The following PTCH2 variants were observed in gnomAD, a reference collection of about 807,000 sequenced individuals.
PTCH2 encodes patched 2, also known as protein patched homolog 2.
Under a neutral mutation model 117.9 loss-of-function variants are expected in PTCH2, and 96 were observed. The observed-to-expected ratio is 0.81, with a 90% CI of 0.69 to 0.96. The LOEUF (loss-of-function observed/expected upper bound fraction) is 0.96. Among genes scored for constraint, PTCH2 ranks in the 50% least tolerant of loss-of-function variants. The probability of loss-of-function intolerance (pLI) is 0.00; values close to 1 mark genes in which losing one functional copy is unlikely to be tolerated. For synonymous variants in PTCH2, 615 were observed against 660.9 expected, an observed-to-expected ratio of 0.93 and a Z score of 1.06; for missense variants, 1,379 against 1,562.5, an observed-to-expected ratio of 0.88 and a Z score of 1.98.
chr1:44,829,867 C>T (rs780852463), intron 7 of PTCH2, 42 bp downstream of exon 7: 3 of 1,613,870 alleles, frequency 1.9e-6, no homozygotes, highest in East Asian at 4.5e-5. Context: ...TATGGGTTCT[C>T]ATGAACAGAG....
chr1:44,820,230 C>T (rs1206211508), downstream of PTCH2: 5 of 383,052 alleles, frequency 1.3e-5, no homozygotes, highest in East Asian at 2.2e-4. Context: ...CGGCTCCGGG[C>T]TGTTCCGCGC....
In PTCH2 at chr1:44,843,055, G is replaced by A; in HGVS notation, c.-123C>T. ...GGATTCAGTGGGGCCGCCAAGGCGC[G>A]GGCGTGGGAGAGACTGTGGGGTGTG... On this transcript the variant is annotated 5_prime_UTR_variant, in exon 1 of 22. Transcript: ENST00000372192. 2 of 1,429,172 alleles carry A rather than the reference G, an allele frequency of 1.4e-6. No individual in the cohort carries two copies. The highest frequency in any genetic ancestry group is 1.4e-5 in the African/African-American group (1 of 69,252). The allele number at this position is 1,429,172 out of a possible 1,614,324, so 88.5% of individuals were successfully genotyped here. A position where few individuals can be genotyped will look rare whatever the true frequency, so the allele number is the denominator to read the frequency against.
chr1:44,827,703 C>G lies in PTCH2; in HGVS notation c.2070G>C (p.Leu690=), dbSNP rs1225161469. The G allele has an allele frequency of 3.7e-6, 6 of 1,611,292 alleles. No individual in the cohort carries two copies. In the Admixed American group the frequency reaches 8.3e-5, roughly 22 times the overall value. The stretch of plus-strand genomic sequence containing the variant: ...GGCCCAGAAGAGCACCAAAGAGCAC[C>G]AGCACGATGGCCTGCGGGATGTAGC... ...LLQSHAKAIV[L]VLFGALLGLS... is the part of the protein sequence containing the mutation. The change falls in exon 15 of 22, where the codon CTG becomes CTC. Residue 690 remains leucine, a synonymous_variant. Coordinates refer to ENST00000372192, the MANE Select transcript of PTCH2 (RefSeq NM_003738.5).
intron 19 of PTCH2, among the ~76,000 whole-genome samples, chr1:44,825,873 G>A (rs1455799798): frequency 7.4e-6 from 1 of 135,500 alleles, no homozygotes; most frequent in East Asian, 2.2e-4. Context: ...GAGACGGAGA[G>A]TTTCACTCTT....
In PTCH2 at chr1:44,831,834, C is replaced by T. The variant is rs1294800689; in HGVS notation, c.526-37G>A. On this transcript the variant is annotated intron_variant, in intron 4 of 21. Transcript: ENST00000372192. This position sits in a 1 kb window ranked among gnomAD's most constrained non-coding sequence, Gnocchi z 4.3. ...ACCCCGGGCCACGTCAGTCCTGCCC[C>T]ACAACCTTTGTAGGATGCCCTCTGC... 1 of 1,603,930 alleles carries T rather than the reference C, an allele frequency of 6.2e-7. No homozygotes were observed. Among genetic ancestry groups the T allele is most frequent in the Non-Finnish European group, 8.5e-7 (1 of 1,171,174 alleles).
intron 1 of PTCH2, among the ~76,000 whole-genome samples, chr1:44,842,608 A>G (rs1006894861): frequency 3.9e-5 from 6 of 152,182 alleles, no homozygotes; most frequent in African/African-American, 1.4e-4. Context: ...AGCAGGATAC[A>G]TATGTACACA....
In PTCH2 at chr1:44,829,610, C is replaced by T. The variant is rs370819522; in HGVS notation, c.1083+4G>A. On this transcript the variant is annotated splice_donor_region_variant and intron_variant, in intron 8 of 21. Transcript: ENST00000372192. The stretch of plus-strand genomic sequence containing the variant: ...GCACCCCCCTTGTCCTTGTCCATAC[C>T]GACCTGCACAAAGCGCCGCTGCCAG... 21 of 1,614,174 alleles carry T rather than the reference C, an allele frequency of 1.3e-5. No individual in the cohort carries two copies. Among genetic ancestry groups the T allele is most frequent in the South Asian group, 7.7e-5 (7 of 91,084 alleles).
downstream of PTCH2, chr1:44,821,703 T>G (rs1652920255): frequency 8.7e-7 from 1 of 1,144,454 alleles, no homozygotes; most frequent in Admixed American, 3.5e-5. Flanking sequence ...GTCTCCAGAT[T>G]GAACCCAGTA....
intron 2 of PTCH2, among the ~76,000 whole-genome samples, chr1:44,840,332 A>C (rs1573663005): frequency 6.7e-6 from 1 of 150,092 alleles, no homozygotes; most frequent in African/African-American, 2.4e-5. Flanking sequence ...TGAACTCCTG[A>C]CCTTTGATCC....
intron 1 of PTCH2, 150 bp downstream of exon 1, chr1:44,842,711 C>T (rs1178548562): frequency 1.4e-5 from 11 of 766,088 alleles, no homozygotes; most frequent in Non-Finnish European, 2.0e-5. Flanking sequence ...CACACCGACA[C>T]ACACGCACAA....
chr1:44,828,617 C>T lies in PTCH2; in HGVS notation c.1479G>A (p.Glu493=), dbSNP rs1406988075. ...CACTGGTGCCCGTGCGCTGCAGACA[C>T]TCGCCCATGCGCTCCTGCCAGGACA... The part of the protein sequence containing the change: ...PGTPLQERMG[E]CLQRTGTSVV... The change falls in exon 12 of 22, where the codon GAG becomes GAA. Residue 493 remains glutamate, a synonymous_variant. Transcript: ENST00000372192. 1 of 1,612,932 alleles carries T rather than the reference C, an allele frequency of 6.2e-7. No homozygotes were observed. Among genetic ancestry groups the T allele is most frequent in the African/African-American group, 1.3e-5 (1 of 75,048 alleles).
intron 2 of PTCH2, among the ~76,000 whole-genome samples, chr1:44,840,706 C>CT (rs1244995540): frequency 2.0e-5 from 3 of 151,078 alleles, no homozygotes; most frequent in Non-Finnish European, 4.4e-5. Context: ...GAGTGAGACT[C>CT]TGTCTCAAAA....
At position 44,827,407 on chromosome 1, in the gene PTCH2, A is replaced by G. The variant is rs1271044457; in HGVS notation, c.2366T>C (p.Leu789Pro). The change falls in exon 15 of 22, where the codon CTA (leucine) becomes CCA (proline). Residue 789 changes from leucine (L) to proline (P), a missense_variant. Leu to Pro is a moderately conservative substitution (Grantham distance 98, BLOSUM62 -3). Coordinates refer to ENST00000372192, the MANE Select transcript of PTCH2 (RefSeq NM_003738.5). The stretch of plus-strand genomic sequence containing the variant: ...CCCGTCTCCTCGCCTCTCACCCTGT[A>G]GCCAGTTGCGGTAATAGTGCAGCCA... ...RTWLHYYRNW[L>P]QGIQAAFDQD... is the part of the protein sequence containing the mutation. 1.9e-6 allele frequency: 3 copies of G among 1,613,844 alleles called. No individual in the cohort carries two copies. Among genetic ancestry groups the G allele is most frequent in the Non-Finnish European group, 2.5e-6 (3 of 1,179,984 alleles).
At chr1:44,820,455 C>T (rs1319311519), downstream of PTCH2, 12 of 683,400 alleles carry the variant, frequency 1.8e-5, no homozygotes, top group South Asian at 1.7e-4. Flanking sequence ...GGCACAGACA[C>T]TCAGGGGCAC....
chr1:44,841,964 C>G lies in PTCH2; in HGVS notation c.148G>C (p.Gly50Arg), dbSNP rs1050285039. The change falls in exon 2 of 22, where the codon GGG (glycine) becomes CGG (arginine). Residue 50 changes from glycine to arginine, a missense_variant. Transcript: ENST00000372192. ...FQGLLFSLGC[G>R]IQRHCGKVLF... ...ACTTTGCCACAATGTCTCTGGATCC[C>G]GCATCCCAGAGAGAAGAGCAGGCCC... is the stretch of plus-strand genomic sequence containing the variant. 6.2e-7 allele frequency: 1 copy of G among 1,614,172 alleles called. No homozygotes were observed. Among genetic ancestry groups the G allele is most frequent in the Non-Finnish European group, 8.5e-7 (1 of 1,179,992 alleles).
intron 2 of PTCH2, among the ~76,000 whole-genome samples, chr1:44,834,328 C>T (rs1301918962): frequency 1.3e-5 from 2 of 151,984 alleles, no homozygotes; most frequent in African/African-American, 2.4e-5. Flanking sequence ...TCACCCTGTT[C>T]GCCAGGCTGA....
chr1:44,839,474 G>A (rs556291768), intron 2 of PTCH2, among the ~76,000 whole-genome samples: 3 of 151,910 alleles, frequency 2.0e-5, no homozygotes, highest in Non-Finnish European at 4.4e-5. Flanking sequence ...CTAGGAATTG[G>A]CTACCATCCT....
At position 44,828,136 on chromosome 1, in the gene PTCH2, C is replaced by G; in HGVS notation, c.1765G>C (p.Val589Leu). ...GTGAGGTGGGCAATGCCCACTGGTA[C>G]TGTCCCGTCCCCCAGCTCCTGGGGC... is the stretch of plus-strand genomic sequence containing the variant. ...ILPQELGDGT[V>L]PVGIAHLTAT... is the part of the protein sequence containing the mutation. Residue 589 changes from valine to leucine, a missense_variant, in exon 14 of 22, where the codon GTA (valine) becomes CTA (leucine). By Grantham distance (32) the Val-to-Leu change is conservative (BLOSUM62 1). Coordinates refer to ENST00000372192, the MANE Select transcript of PTCH2 (RefSeq NM_003738.5). 5 of 1,614,002 alleles carry G rather than the reference C, an allele frequency of 3.1e-6. No homozygotes were observed. The highest frequency in any genetic ancestry group is 4.2e-6 in the Non-Finnish European group (5 of 1,180,038).
chr1:44,821,853 G>A, downstream of PTCH2: 4 of 1,365,186 alleles, frequency 2.9e-6, no homozygotes, highest in Non-Finnish European at 3.9e-6. Flanking sequence ...TCAGGTCCTG[G>A]CACCAGAGAA....
Sources: gnomAD v4.1 joint callset for allele counts (sites outside exome capture counted in the v4.1 genomes callset) on GRCh38, gnomAD v4.1.1 for gene constraint, Gnocchi (gnomAD v3.1) non-coding constraint, MANE v1.5 for transcripts, NCBI Gene and HGNC (gene_info 2026-07-23, HGNC 2026-07-21) for gene names.